The following PRAMEF4 variants were observed in gnomAD, a reference collection of about 807,000 sequenced individuals.
PRAMEF4 encodes RP5-845O24.6.
PRAMEF4 carries 18 observed loss-of-function variants against 34.4 expected under a neutral mutation model. The ratio of observed to expected loss-of-function variants is 0.52; its 90% CI spans 0.36 to 0.78. PRAMEF4 has a LOEUF of 0.78. Among genes scored for constraint, PRAMEF4 ranks in the 30% least tolerant of loss-of-function variants. The pLI is 0.00. For missense variants in PRAMEF4, 482 were observed against 569.1 expected (o/e 0.85, Z 1.56); for synonymous variants, 156 against 219.3 (o/e 0.71, Z 2.55).
intron 3 of PRAMEF4, among the ~76,000 whole-genome samples, chr1:12,881,376 A>G (rs948317234): frequency 6.7e-6 from 1 of 148,652 alleles, no homozygotes; most frequent in Non-Finnish European, 1.5e-5. Context: ...CAGAAAAAAA[A>G]AGTTATCTTG....
chr1:12,883,073 T>A lies in PRAMEF4; in HGVS notation c.293+29A>T, dbSNP rs1038277828. 24 of 1,598,862 alleles carry A rather than the reference T, an allele frequency of 1.5e-5. 3 individuals are homozygous for A. In the Admixed American group the frequency reaches 3.1e-4, roughly 21 times the overall value. On this transcript the variant is annotated intron_variant, in intron 2 of 3. Transcript: ENST00000235349. ...TTCCTTCAGTTGGACACCTGGGCCC[T>A]CCCCACCAGCCCACCTGGGCCACCT...
intron 3 of PRAMEF4, among the ~76,000 whole-genome samples, chr1:12,881,382 T>C (rs1278389370): frequency 6.7e-6 from 1 of 148,580 alleles, no homozygotes; most frequent in African/African-American, 2.5e-5. Context: ...AAAAAAGTTA[T>C]CTTGTTTGTT....
In PRAMEF4 at chr1:12,882,306, T is replaced by G. The variant is rs1315844271; in HGVS notation, c.423A>C (p.Pro141=). 5 of 1,489,420 alleles carry G rather than the reference T, an allele frequency of 3.4e-6. 1 individual carries two copies. The highest frequency in any genetic ancestry group is 4.6e-6 in the Non-Finnish European group (5 of 1,095,018). 92.3% of individuals were successfully genotyped at this position (1,489,420 alleles called of 1,614,324 possible). ...TCAAGGGCTGCCGTCCTTTCATCCT[T>G]GGACAGTCCTCCACTGGTTTTTTGT... The part of the protein sequence containing the change: ...KRNKKPVEDC[P]RMKGRQPLTV... The change falls in exon 3 of 4, where the codon CCA becomes CCC. Residue 141 remains proline, a synonymous_variant. Transcript: ENST00000235349.
rs1200605002 is a variant in PRAMEF4, at chr1:12,882,447, T to C, written c.294-12A>G. 5 of 1,586,416 alleles carry C rather than the reference T, an allele frequency of 3.2e-6. No individual in the cohort carries two copies. The highest frequency in any genetic ancestry group is 4.3e-6 in the Non-Finnish European group (5 of 1,167,328). ...GAAGTTTCCACCTCCTGTGGGAAAA[T>C]AGAGGTGAGACTGAGAATTTCAGAA... On this transcript the variant is annotated splice_polypyrimidine_tract_variant and intron_variant, in intron 2 of 3. Coordinates refer to ENST00000235349, the MANE Select transcript of PRAMEF4 (RefSeq NM_001009611.4).
chr1:12,883,338 C>T lies in PRAMEF4; in HGVS notation c.57G>A (p.Leu19=), dbSNP rs761071108. Residue 19 remains leucine (L), a synonymous_variant, in exon 2 of 4, where the codon CTG becomes CTA. Coordinates refer to ENST00000235349, the MANE Select transcript of PRAMEF4 (RefSeq NM_001009611.4). The part of the protein sequence containing the change: ...PRLLELAGRS[L]LRDQALAMST... The stretch of plus-strand genomic sequence containing the variant: ...ACATGGCCAAAGCTTGGTCCCTTAG[C>T]AGGCTCCGCCCTGCAAGCTCCAGGA... 66 of 1,600,366 alleles carry T rather than the reference C, an allele frequency of 4.1e-5. 2 individuals carry two copies. Among genetic ancestry groups the T allele is most frequent in the South Asian group, 1.4e-4 (13 of 90,228 alleles).
At position 12,882,018 on chromosome 1, in the gene PRAMEF4, C is replaced by T. The variant is rs527712477; in HGVS notation, c.711G>A (p.Gln237=). Residue 237 remains glutamine, a synonymous_variant, in exon 3 of 4, where the codon CAG becomes CAA. Coordinates refer to ENST00000235349, the MANE Select transcript of PRAMEF4 (RefSeq NM_001009611.4). ...TPYLGHMRNL[Q]KLILSHMDVS... ...CATCCATGTGGGAGAGAATGAGTTT[C>T]TGAAGATTCCTCATGTGGCCCAGGT... 54 of 1,591,256 alleles carry T rather than the reference C, an allele frequency of 3.4e-5. 1 individual carries two copies. In the South Asian group the frequency reaches 5.8e-4, roughly 17 times the overall value.
rs1270502769 is a variant in PRAMEF4 at position 12,883,292 on chromosome 1, T to C, written c.103A>G (p.Thr35Ala). ...LAMSTLEELPTELFPPLFMEA... is the reference protein window; with the variant it reads ...LAMSTLEELPAELFPPLFMEA... ...ATGAACAGTGGGGGGAAAAGTTCTG[T>C]GGGCAGCTCCTCCAGGGTGGACATG... The change falls in exon 2 of 4, where the codon ACA becomes GCA. Residue 35 changes from threonine (T) to alanine (A), a missense_variant. Physicochemically the swap from Thr to Ala is moderately conservative, Grantham distance 58 (BLOSUM62 0). Around this residue, in one of 6 missense-constraint regions of PRAMEF4, gnomAD observed 172 missense variants for 130.2 expected, o/e 1.32. Coordinates refer to ENST00000235349, the MANE Select transcript of PRAMEF4 (RefSeq NM_001009611.4). 1 of 1,599,648 alleles carries C rather than the reference T, an allele frequency of 6.3e-7. No individual in the cohort carries two copies. The highest frequency in any genetic ancestry group is 8.5e-7 in the Non-Finnish European group (1 of 1,173,262).
intron 1 of PRAMEF4, among the ~76,000 whole-genome samples, chr1:12,885,877 T>C (rs1478091900): frequency 7.6e-6 from 1 of 130,960 alleles, no homozygotes; most frequent in East Asian, 2.2e-4. Context: ...TCCTCCCACT[T>C]TGGCCTCCCG....
At chr1:12,884,351 C>A (rs370922157) in intron 1 of PRAMEF4, among the ~76,000 whole-genome samples, 1 of 148,392 alleles carries the variant, frequency 6.7e-6, no homozygotes, top group Non-Finnish European at 1.5e-5. Context: ...GCTTTGAAAG[C>A]TATGTGACAC....
intron 3 of PRAMEF4, among the ~76,000 whole-genome samples, 159 bp downstream of exon 3, chr1:12,881,695 C>T (rs563757568): frequency 6.9e-6 from 1 of 144,806 alleles, no homozygotes; most frequent in Admixed American, 7.1e-5. Context: ...TGCATGATAC[C>T]CATTTCAGGA....
intron 3 of PRAMEF4, among the ~76,000 whole-genome samples, chr1:12,880,635 A>G (rs1640871084): frequency 1.3e-5 from 2 of 149,104 alleles, no homozygotes; most frequent in South Asian, 4.3e-4. Flanking sequence ...ACCATCATTT[A>G]TAGGAATGGA....
At chr1:12,885,947 A>G (rs919889674) in intron 1 of PRAMEF4, among the ~76,000 whole-genome samples, 200 bp downstream of exon 1, 54 of 98,724 alleles carry the variant, frequency 5.5e-4, no homozygotes, top group Non-Finnish European at 9.2e-4. Flanking sequence ...AATGGCATCA[A>G]CCAAAGCACA....
chr1:12,884,992 C>A (rs1325900994), intron 1 of PRAMEF4, among the ~76,000 whole-genome samples: 2 of 149,438 alleles, frequency 1.3e-5, no homozygotes, highest in Non-Finnish European at 3.0e-5. Context: ...TTGAAAGTAT[C>A]TTTGTTGAGG....
intron 3 of PRAMEF4, among the ~76,000 whole-genome samples, chr1:12,880,627 C>T (rs1640870985): frequency 6.7e-6 from 1 of 148,744 alleles, no homozygotes. Context: ...GTCACTTCAC[C>T]ATCATTTATA....
chr1:12,881,322 C>A (rs113016957), intron 3 of PRAMEF4, among the ~76,000 whole-genome samples: 3 of 148,638 alleles, frequency 2.0e-5, no homozygotes, highest in Non-Finnish European at 4.4e-5. Context: ...GCTGAGATGT[C>A]ACAACTGCAC....
chr1:12,883,216 G>T lies in PRAMEF4; in HGVS notation c.179C>A (p.Ser60Tyr). Residue 60 changes from serine to tyrosine, a missense_variant, in exon 2 of 4, where the codon TCC becomes TAC. Ser to Tyr is a moderately radical substitution (Grantham distance 144). Coordinates refer to ENST00000235349, the MANE Select transcript of PRAMEF4 (RefSeq NM_001009611.4). ...CAGAGGGAGGCGGCGGAAGGGCCAG[G>T]ACTGCACCATCAGCTTCAGGGCCTC... ...RCEALKLMVQ[S>Y]WPFRRLPLRP... 1 of 1,599,090 alleles carries T rather than the reference G, an allele frequency of 6.3e-7. No individual in the cohort carries two copies. The highest frequency in any genetic ancestry group is 8.5e-7 in the Non-Finnish European group (1 of 1,172,904).
chr1:12,884,517 C>G (rs569497247), intron 1 of PRAMEF4, among the ~76,000 whole-genome samples: 1 of 147,948 alleles, frequency 6.8e-6, no homozygotes, highest in South Asian at 2.2e-4. Flanking sequence ...GAATTCAAGA[C>G]GAGCCTGGCC....
rs139729752 is a variant in PRAMEF4 at position 12,882,401 on chromosome 1, C to T, written c.328G>A (p.Val110Ile). 0.023 allele frequency: 36,120 copies of T among 1,586,534 alleles called. 1,361 individuals carry two copies. Among genetic ancestry groups the T allele is most frequent in the Non-Finnish European group, 0.024 (28,529 of 1,167,278 alleles). Reference protein sequence around the residue: ...WKLQVLDLQDVCENFWMVWSE... With the variant: ...WKLQVLDLQDICENFWMVWSE... ...CAAACCATCCAGAAGTTCTCACAGACATCCTGTAAATCCAGCACTTGAAGT... is the reference window on the plus strand; with the variant it reads ...CAAACCATCCAGAAGTTCTCACAGATATCCTGTAAATCCAGCACTTGAAGT... Residue 110 changes from valine to isoleucine, a missense_variant, in exon 3 of 4, where the codon GTC (valine) becomes ATC (isoleucine). Coordinates refer to ENST00000235349, the MANE Select transcript of PRAMEF4 (RefSeq NM_001009611.4).
At position 12,883,374 on chromosome 1, in the gene PRAMEF4, A is replaced by G; in HGVS notation, c.21T>C (p.Thr7=). Residue 7 remains threonine, a synonymous_variant, in exon 2 of 4, where the codon ACT becomes ACC. Transcript: ENST00000235349. ...CTGCAAGCTCCAGGAGTCTGGGTGG[A>G]GTCCAGATGCTCATCTTCATGAATC... MKMSIW[T]PPRLLELAGR... The G allele has an allele frequency of 6.2e-7, 1 of 1,600,296 alleles. No individual in the cohort carries two copies. Among genetic ancestry groups the G allele is most frequent in the Non-Finnish European group, 8.5e-7 (1 of 1,173,534 alleles).
Sources: gnomAD v4.1 joint callset for allele counts (sites outside exome capture counted in the v4.1 genomes callset) on GRCh38, gnomAD v4.1.1 for gene constraint, gnomAD v4.1.1 regional missense constraint, MANE v1.5 for transcripts, NCBI Gene and HGNC (gene_info 2026-07-23, HGNC 2026-07-21) for gene names.